The following MTMR10 variants were observed in gnomAD, a reference collection of about 807,000 sequenced individuals.
MTMR10 encodes the protein myotubularin-related protein 10.
MTMR10 carries 56 observed loss-of-function variants against 88.1 expected under a neutral mutation model. The observed-to-expected ratio is 0.64, with a 90% CI of 0.51 to 0.79. The LOEUF (loss-of-function observed/expected upper bound fraction) is 0.79. Among genes scored for constraint, MTMR10 ranks in the 30% least tolerant of loss-of-function variants. The pLI, the probability that MTMR10 is intolerant of heterozygous loss-of-function variation, is 0.00. For missense variants in MTMR10, 883 were observed against 924.7 expected, an observed-to-expected ratio of 0.95 and a Z score of 0.58; for synonymous variants, 380 against 340.9, an observed-to-expected ratio of 1.11 and a Z score of -1.26.
intron 2 of MTMR10, among the ~76,000 whole-genome samples, chr15:30,982,179 T>C (rs184550733): frequency 2.6e-5 from 4 of 152,154 alleles, no homozygotes; most frequent in Non-Finnish European, 5.9e-5. Flanking sequence ...ACTGAGACAT[T>C]GAGAATAAGG....
intron 2 of MTMR10, among the ~76,000 whole-genome samples, chr15:30,988,466 C>G (rs1450859310): frequency 6.6e-6 from 1 of 152,112 alleles, no homozygotes; most frequent in Non-Finnish European, 1.5e-5. Context: ...CTAAAAGGTT[C>G]AGACTTAGTG....
At chr15:30,977,071 C>A in intron 2 of MTMR10, 116 bp from the exon 3 acceptor site, 1 of 939,296 alleles carries the variant, frequency 1.1e-6, no homozygotes, top group Non-Finnish European at 1.6e-6. Flanking sequence ...AAACATTCAC[C>A]AATTGCCCAC....
chr15:30,956,658 T>C (rs1225439649), intron 9 of MTMR10, among the ~76,000 whole-genome samples: 2 of 152,090 alleles, frequency 1.3e-5, no homozygotes, highest in Non-Finnish European at 2.9e-5. Flanking sequence ...GGGAAAAAGG[T>C]TAGGAGACGA....
intron 5 of MTMR10, among the ~76,000 whole-genome samples, chr15:30,973,594 G>A (rs2029886561): frequency 6.6e-6 from 1 of 152,102 alleles, no homozygotes; most frequent in South Asian, 2.1e-4. Context: ...CTAAGATACT[G>A]TTGCCCTATT....
chr15:30,946,922 T>A, intron 14 of MTMR10: 1 of 652,976 alleles, frequency 1.5e-6, no homozygotes, highest in South Asian at 2.3e-5. Flanking sequence ...AACATTTACA[T>A]TAGAGTAAAA....
At chr15:30,924,877 T>C in the MTMR10 span, among the ~76,000 whole-genome samples, 1 of 152,170 alleles carries the variant, frequency 6.6e-6, no homozygotes, top group African/African-American at 2.4e-5. Context: ...GCTGCTGGGA[T>C]CCACTGTCCA....
intron 7 of MTMR10, among the ~76,000 whole-genome samples, chr15:30,960,198 A>G (rs957998082): frequency 9.2e-5 from 14 of 152,190 alleles, no homozygotes; most frequent in African/African-American, 3.4e-4. Context: ...AAACCATGAT[A>G]TAAGAGGGGA....
chr15:30,964,010 TAAA>T (rs201436983), intron 6 of MTMR10, among the ~76,000 whole-genome samples: 1 of 146,388 alleles, frequency 6.8e-6, no homozygotes, highest in Non-Finnish European at 1.5e-5. Context: ...GTTTATGACT[TAAA>T]AAAAAAAACC....
At chr15:30,929,359 G>T in the MTMR10 span, 2 of 1,611,544 alleles carry the variant, frequency 1.2e-6, no homozygotes, top group African/African-American at 2.7e-5. Flanking sequence ...GGCTTCCCTT[G>T]TCAGCTGGGA....
chr15:30,927,947 G>A, the MTMR10 span: 1 of 985,848 alleles, frequency 1.0e-6, no homozygotes, highest in Non-Finnish European at 1.2e-6. Flanking sequence ...GACGTGAGGA[G>A]GGGCACTGAA....
the MTMR10 span, chr15:30,922,227 T>C: frequency 1.9e-6 from 3 of 1,601,464 alleles, no homozygotes; most frequent in Non-Finnish European, 2.5e-6. Context: ...TTGTTATTGT[T>C]GCAATAGGAA....
chr15:30,946,603 G>C (rs2063174823), intron 14 of MTMR10: 1 of 631,882 alleles, frequency 1.6e-6, no homozygotes, highest in African/African-American at 1.8e-5. Flanking sequence ...CACGGCATTT[G>C]TCAGCTTCTG....
At chr15:30,973,579 T>C (rs1157818069) in intron 5 of MTMR10, among the ~76,000 whole-genome samples, 3 of 152,096 alleles carry the variant, frequency 2.0e-5, no homozygotes, top group Non-Finnish European at 2.9e-5. Flanking sequence ...CCACGTCCTA[T>C]TATACTAAGA....
the MTMR10 span, among the ~76,000 whole-genome samples, chr15:30,932,341 T>C: frequency 6.6e-6 from 1 of 151,824 alleles, no homozygotes; most frequent in African/African-American, 2.4e-5. Context: ...AAAATGGGAG[T>C]TGATTTTGTA....
rs973618111 is a variant in MTMR10 at position 30,942,249 on chromosome 15, T to C, written c.1732-177A>G. 6.3e-6 allele frequency: 5 copies of C among 789,524 alleles called. No homozygotes were observed. The African/African-American group carries it at 8.7e-5, about 14-fold the overall frequency. 48.9% of individuals were successfully genotyped at this position (789,524 alleles called of 1,614,324 possible). ...ATCCTCCTCCCCTGGAATTACACTT[T>C]TTTATGTGTTGACTCTACCTAGGCT... On this transcript the variant is annotated intron_variant, in intron 15 of 15. Coordinates refer to ENST00000435680, the MANE Select transcript of MTMR10 (RefSeq NM_017762.3).
intron 13 of MTMR10, 120 bp downstream of exon 13, chr15:30,948,182 C>A: frequency 1.1e-6 from 1 of 889,746 alleles, no homozygotes. Context: ...TAGCTTTGGA[C>A]TAAGGAAATT....
the MTMR10 span, among the ~76,000 whole-genome samples, chr15:30,926,350 C>T: frequency 3.9e-4 from 59 of 152,332 alleles, no homozygotes; most frequent in East Asian, 0.011. Flanking sequence ...ATGCTAGTCG[C>T]TTTCGGGAAC....
downstream of MTMR10, among the ~76,000 whole-genome samples, chr15:30,938,600 A>C (rs2062935247): frequency 6.6e-6 from 1 of 152,130 alleles, no homozygotes; most frequent in African/African-American, 2.4e-5. Context: ...GGTGTGGTAG[A>C]AAGGTGATTT....
downstream of MTMR10, chr15:30,937,065 T>G: frequency 6.8e-7 from 1 of 1,478,660 alleles, no homozygotes; most frequent in African/African-American, 1.4e-5. Context: ...CTTACTTGAA[T>G]GGCTTTTCAT....
Sources: gnomAD v4.1 joint callset for allele counts (sites outside exome capture counted in the v4.1 genomes callset) on GRCh38, gnomAD v4.1.1 for gene constraint, MANE v1.5 for transcripts, NCBI Gene and HGNC (gene_info 2026-07-23, HGNC 2026-07-21) for gene names.